Variants in NCALD observed in about 807,000 individuals in gnomAD.
NCALD encodes neurocalcin-delta.
Under a neutral mutation model 18.6 loss-of-function variants are expected in NCALD, and 10 were observed. The ratio of observed to expected loss-of-function variants is 0.54; its 90% CI spans 0.33 to 0.91. NCALD has a LOEUF of 0.91. Ranked by LOEUF, NCALD falls within the 40% of genes least tolerant of loss-of-function variation. The pLI, the probability that NCALD is intolerant of heterozygous loss-of-function variation, is 0.03. For missense variants in NCALD, 184 were observed against 247.6 expected (o/e 0.74, Z 1.72); for synonymous variants, 88 against 87.4 (o/e 1.01, Z -0.04).
At chr8:101,943,906 A>T (rs1819059756) in intron 2 of NCALD, among the ~76,000 whole-genome samples, 1 of 151,986 alleles carries the variant, frequency 6.6e-6, no homozygotes, top group Non-Finnish European at 1.5e-5. Flanking sequence ...ACACCGCTGC[A>T]CTCCAGCCTG....
chr8:102,091,771 C>T (rs1238782163), intron 1 of NCALD, among the ~76,000 whole-genome samples: 1 of 152,124 alleles, frequency 6.6e-6, no homozygotes, highest in Admixed American at 6.5e-5. Context: ...ATGAATGGCC[C>T]TCACCATACT....
At chr8:101,987,927 G>A (rs1156450672) in intron 2 of NCALD, among the ~76,000 whole-genome samples, 2 of 152,148 alleles carry the variant, frequency 1.3e-5, no homozygotes, top group Non-Finnish European at 2.9e-5. Context: ...GGCCGAGGCG[G>A]GCGGATCACG....
Position 101,774,829 on chromosome 8 carries a change from T to G in NCALD, c.-20+16033A>C, listed in dbSNP as rs1811727316. On this transcript the variant is annotated intron_variant, in intron 1 of 3. Coordinates refer to ENST00000220931, the MANE Select transcript of NCALD (RefSeq NM_032041.3). ...TTTAACAATGGCTCTCTCTATCTAC[T>G]ATAAGCTGAATGCTGCACTAGGTCT... 2.0e-5 allele frequency among the ~76,000 whole-genome samples: 3 copies of G among 152,306 alleles called. No homozygotes were observed. The South Asian group carries it at 6.2e-4, about 32-fold the overall frequency.
chr8:102,050,850 A>G (rs894473648), intron 1 of NCALD, among the ~76,000 whole-genome samples: 17 of 146,268 alleles, frequency 1.2e-4, no homozygotes, highest in East Asian at 1.9e-4. Flanking sequence ...TTTTTAATTT[A>G]ATTAATTAAT....
chr8:101,862,085 T>C (rs1586650509), intron 4 of NCALD, among the ~76,000 whole-genome samples: 2 of 152,224 alleles, frequency 1.3e-5, no homozygotes, highest in African/African-American at 4.8e-5. Flanking sequence ...TTGCATTCCA[T>C]GATACCACCA....
chr8:101,828,728 G>C (rs1772631692), intron 4 of NCALD, among the ~76,000 whole-genome samples: 1 of 151,840 alleles, frequency 6.6e-6, no homozygotes, highest in South Asian at 2.1e-4. Flanking sequence ...CAGCCTCCCA[G>C]GTAGCTGGGA....
At chr8:102,082,371 C>T (rs1051891479) in intron 1 of NCALD, among the ~76,000 whole-genome samples, 15 of 151,792 alleles carry the variant, frequency 9.9e-5, no homozygotes, top group Admixed American at 7.9e-4. Context: ...GTAGCTGGGA[C>T]TACAGGTGCC....
intron 1 of NCALD, among the ~76,000 whole-genome samples, chr8:101,730,156 T>C (rs1275855603): frequency 6.6e-6 from 1 of 152,110 alleles, no homozygotes; most frequent in Non-Finnish European, 1.5e-5. Flanking sequence ...AACAGGATCA[T>C]TCTATATTAT....
intron 1 of NCALD, among the ~76,000 whole-genome samples, chr8:101,752,203 G>C (rs2130780075): frequency 6.6e-6 from 1 of 152,150 alleles, no homozygotes; most frequent in East Asian, 1.9e-4. Context: ...GCAACTTCCA[G>C]CTATAATTCA....
At chr8:101,731,774 G>T (rs908305055) in intron 1 of NCALD, among the ~76,000 whole-genome samples, 1 of 152,128 alleles carries the variant, frequency 6.6e-6, no homozygotes, top group Non-Finnish European at 1.5e-5. Flanking sequence ...TAATGTCTAA[G>T]TCTGCCTCCA....
At chr8:101,726,135 G>A (rs1039864272) in intron 1 of NCALD, among the ~76,000 whole-genome samples, 13 of 152,188 alleles carry the variant, frequency 8.5e-5, no homozygotes, top group Admixed American at 2.6e-4. Context: ...CATGAGGTGG[G>A]GGAGGAGATG....
At chr8:101,949,010 C>T (rs1344493847) in intron 2 of NCALD, among the ~76,000 whole-genome samples, 3 of 152,154 alleles carry the variant, frequency 2.0e-5, no homozygotes, top group Non-Finnish European at 2.9e-5. Flanking sequence ...TTAAGTGTAC[C>T]TTACAGAAAA....
At chr8:101,923,526 A>T (rs1488453275) in intron 2 of NCALD, among the ~76,000 whole-genome samples, 3 of 152,222 alleles carry the variant, frequency 2.0e-5, no homozygotes, top group African/African-American at 7.2e-5. Context: ...CATCTATGTC[A>T]AGTTGGTCCT....
chr8:101,839,743 GC>G (rs1176326764), intron 4 of NCALD, among the ~76,000 whole-genome samples: 1 of 152,088 alleles, frequency 6.6e-6, no homozygotes, highest in Non-Finnish European at 1.5e-5. Flanking sequence ...AATAAATCAA[GC>G]CGAGGAGGTG....
chr8:101,743,463 G>A (rs1810298032), intron 1 of NCALD, among the ~76,000 whole-genome samples: 1 of 152,220 alleles, frequency 6.6e-6, no homozygotes, highest in Non-Finnish European at 1.5e-5. Flanking sequence ...TTCACTATGA[G>A]ATTGGGTTAA....
At chr8:102,004,662 G>C (rs1004662465) in intron 2 of NCALD, among the ~76,000 whole-genome samples, 18 of 152,086 alleles carry the variant, frequency 1.2e-4, no homozygotes, top group African/African-American at 4.4e-4. Context: ...AAACAGCATG[G>C]TACTGGTACC....
At chr8:102,093,282 T>C (rs1191246162) in intron 1 of NCALD, among the ~76,000 whole-genome samples, 2 of 152,204 alleles carry the variant, frequency 1.3e-5, no homozygotes, top group Non-Finnish European at 2.9e-5. Flanking sequence ...TAAGAGTGAC[T>C]GTTTTGGGGT....
chr8:101,897,739 T>G (rs988614300), intron 3 of NCALD, among the ~76,000 whole-genome samples: 14 of 152,206 alleles, frequency 9.2e-5, no homozygotes, highest in African/African-American at 3.4e-4. Flanking sequence ...AAGAAACCAC[T>G]AAACTATTTT....
chr8:101,851,333 T>C (rs1815082295), intron 4 of NCALD, among the ~76,000 whole-genome samples: 1 of 152,066 alleles, frequency 6.6e-6, no homozygotes, highest in Admixed American at 6.6e-5. Context: ...ATACAATATT[T>C]CTAGATGTAA....
Sources: allele counts gnomAD v4.1 joint callset (sites outside exome capture counted in the v4.1 genomes callset), GRCh38; gene constraint gnomAD v4.1.1; transcripts MANE v1.5; gene names NCBI Gene and HGNC (gene_info 2026-07-23, HGNC 2026-07-21).